The following CSMD1 variants were observed in gnomAD, a reference collection of about 807,000 sequenced individuals.
CSMD1 encodes the protein CUB and sushi domain-containing protein 1.
CSMD1 carries 213 observed loss-of-function variants against 417.5 expected under a neutral mutation model. The observed-to-expected ratio is 0.51, with a 90% CI of 0.46 to 0.57. CSMD1 has a LOEUF of 0.57. CSMD1 is among the 20% of genes least tolerant of loss of function. The pLI is 0.00. For missense variants in CSMD1, 6,923 were observed against 4,529.7 expected (o/e 1.53, Z -15.17); for synonymous variants, 2,862 against 1,736.8 (o/e 1.65, Z -16.11).
At chr8:4,983,313 T>A (rs1249908910) in intron 1 of CSMD1, among the ~76,000 whole-genome samples, 1 of 152,148 alleles carries the variant, frequency 6.6e-6, no homozygotes, top group East Asian at 1.9e-4. Flanking sequence ...TGATGACAAA[T>A]TAATTTGAAC....
chr8:4,979,173 T>A (rs951528334), intron 1 of CSMD1, among the ~76,000 whole-genome samples: 1 of 152,302 alleles, frequency 6.6e-6, no homozygotes, highest in South Asian at 2.1e-4. Context: ...CAAGTTCAAA[T>A]GATGAACTAG....
At chr8:4,874,029 C>CATCT (rs935165265) in intron 1 of CSMD1, among the ~76,000 whole-genome samples, 4 of 152,122 alleles carry the variant, frequency 2.6e-5, no homozygotes, top group African/African-American at 9.7e-5. Flanking sequence ...ATTAGTCTAT[C>CATCT]ATCTATCTAT....
chr8:4,202,154 G>C (rs710258), intron 3 of CSMD1, among the ~76,000 whole-genome samples: 2 of 151,822 alleles, frequency 1.3e-5, no homozygotes, highest in African/African-American at 4.8e-5. Flanking sequence ...TTTCTAGGAC[G>C]GGTGGGATGA....
In CSMD1 at chr8:3,793,399, C is replaced by A. The variant is rs561345274; in HGVS notation, c.819-39357G>T. On this transcript the variant is annotated intron_variant, in intron 5 of 69. Coordinates refer to ENST00000635120, the MANE Select transcript of CSMD1 (RefSeq NM_033225.6). ...GTTCAGAAACCAACCCATATTTTTC[C>A]TTGCCTACTTTCAAGAATGTTGCCA... Among the ~76,000 whole-genome samples the A allele has an allele frequency of 6.6e-5, 10 of 152,134 alleles. No homozygotes were observed. The South Asian group carries it at 2.1e-3, about 32-fold the overall frequency.
intron 67 of CSMD1, among the ~76,000 whole-genome samples, chr8:2,949,756 A>G (rs1448819714): frequency 1.3e-5 from 2 of 152,228 alleles, no homozygotes; most frequent in Non-Finnish European, 2.9e-5. Flanking sequence ...AGGGTACATC[A>G]TGTATGGCTG....
Position 3,282,952 on chromosome 8 carries a change from A to G in CSMD1, c.4153+1192T>C, listed in dbSNP as rs542350771. ...GATGGCTGACCTTGTGTGCTGCCCAATAATATGGCATCTCTCCACGGTGCC... is the reference window on the plus strand; with the variant it reads ...GATGGCTGACCTTGTGTGCTGCCCAGTAATATGGCATCTCTCCACGGTGCC... On this transcript the variant is annotated intron_variant, in intron 26 of 69. Coordinates refer to ENST00000635120, the MANE Select transcript of CSMD1 (RefSeq NM_033225.6). Among the ~76,000 whole-genome samples the G allele has an allele frequency of 3.1e-4, 47 of 152,278 alleles. 1 individual carries two copies. Among genetic ancestry groups the G allele is most frequent in the Admixed American group, 1.4e-3 (21 of 15,298 alleles).
Position 3,493,652 on chromosome 8 carries a change from C to A in CSMD1, c.1419G>T (p.Lys473Asn). Reference protein sequence around the residue: ...YDTLTVGDAGKVGDTRSVLYV... With the variant: ...YDTLTVGDAGNVGDTRSVLYV... The stretch of plus-strand genomic sequence containing the variant: ...ACAAGACCGATCTGGTGTCTCCCAC[C>A]TTCCCAGCATCACCAACCGTCAGGG... The change falls in exon 11 of 70, where the codon AAG becomes AAT. Residue 473 changes from lysine to asparagine, a missense_variant. Physicochemically the swap from Lys to Asn is moderately conservative, Grantham distance 94. Coordinates refer to ENST00000635120, the MANE Select transcript of CSMD1 (RefSeq NM_033225.6). The A allele has an allele frequency of 6.2e-7, 1 of 1,611,864 alleles. No individual in the cohort carries two copies. Among genetic ancestry groups the A allele is most frequent in the Non-Finnish European group, 8.5e-7 (1 of 1,179,128 alleles).
chr8:4,482,704 T>C (rs113072101), intron 2 of CSMD1, among the ~76,000 whole-genome samples: 13 of 152,152 alleles, frequency 8.5e-5, no homozygotes, highest in Non-Finnish European at 1.3e-4. Flanking sequence ...TAATTTACAC[T>C]CCCACCAACA....
In CSMD1 at chr8:3,276,178, G is replaced by T. The variant is rs184414997; in HGVS notation, c.4153+7966C>A. Among the ~76,000 whole-genome samples the T allele has an allele frequency of 9.9e-4, 150 of 152,208 alleles. 1 individual carries two copies. Among genetic ancestry groups the T allele is most frequent in the African/African-American group, 3.6e-3 (148 of 41,536 alleles). On this transcript the variant is annotated intron_variant, in intron 26 of 69. Coordinates refer to ENST00000635120, the MANE Select transcript of CSMD1 (RefSeq NM_033225.6). ...GACCTTCAGATGCAGGTCTGTTGGA[G>T]TACTCGGCCGTGTGAGGTGTCAGTC...
intron 4 of CSMD1, among the ~76,000 whole-genome samples, chr8:4,023,151 T>C (rs1284614890): frequency 6.6e-6 from 1 of 152,160 alleles, no homozygotes; most frequent in Non-Finnish European, 1.5e-5. Flanking sequence ...GAACTGCCCA[T>C]CACAACTCAA....
intron 10 of CSMD1, among the ~76,000 whole-genome samples, chr8:3,559,606 C>A (rs553023742): frequency 6.6e-5 from 10 of 152,226 alleles, no homozygotes; most frequent in African/African-American, 2.4e-4. Flanking sequence ...AATAAGTACC[C>A]ACAATTACAA....
chr8:3,641,604 G>C (rs1797311429), intron 7 of CSMD1, among the ~76,000 whole-genome samples: 1 of 152,174 alleles, frequency 6.6e-6, no homozygotes, highest in Admixed American at 6.5e-5. Flanking sequence ...TATGTCTCAA[G>C]AGGTTATCAC....
chr8:4,119,151 A>C (rs1334182667), intron 3 of CSMD1, among the ~76,000 whole-genome samples: 1 of 152,144 alleles, frequency 6.6e-6, no homozygotes, highest in East Asian at 1.9e-4. Flanking sequence ...GTCGGGCTTA[A>C]AACCTAGATG....
chr8:4,083,910 C>G (rs1303235816), intron 3 of CSMD1, among the ~76,000 whole-genome samples: 4 of 152,042 alleles, frequency 2.6e-5, no homozygotes, highest in African/African-American at 7.2e-5. Context: ...AGGCGACTTA[C>G]AAAATGAGAG....
chr8:4,195,335 G>T (rs1585000734), intron 3 of CSMD1, among the ~76,000 whole-genome samples: 1 of 152,088 alleles, frequency 6.6e-6, no homozygotes, highest in African/African-American at 2.4e-5. Context: ...TATAGAACAG[G>T]ATAAGTTAAC....
intron 7 of CSMD1, among the ~76,000 whole-genome samples, chr8:3,692,942 G>C (rs559103829): frequency 7.9e-5 from 12 of 152,250 alleles, no homozygotes; most frequent in African/African-American, 2.6e-4. Context: ...GTAAAAAAAA[G>C]TGATCCTGTT....
intron 5 of CSMD1, among the ~76,000 whole-genome samples, chr8:3,978,370 A>T (rs11987702): frequency 6.6e-6 from 1 of 151,884 alleles, no homozygotes; most frequent in South Asian, 2.1e-4. Flanking sequence ...TTTACATCTT[A>T]TTTATCAAAT....
intron 2 of CSMD1, among the ~76,000 whole-genome samples, chr8:4,579,960 C>G (rs1453163075): frequency 6.6e-6 from 1 of 152,134 alleles, no homozygotes; most frequent in Admixed American, 6.6e-5. Context: ...TTTACATTTC[C>G]AAATCCCTAC....
At chr8:4,935,020 T>C (rs1807513855) in intron 1 of CSMD1, among the ~76,000 whole-genome samples, 1 of 152,350 alleles carries the variant, frequency 6.6e-6, no homozygotes, top group Non-Finnish European at 1.5e-5. Flanking sequence ...CATATCTATC[T>C]AGAACTTAAG....
Sources: gnomAD v4.1 joint callset for allele counts (sites outside exome capture counted in the v4.1 genomes callset) on GRCh38, gnomAD v4.1.1 for gene constraint, MANE v1.5 for transcripts, NCBI Gene and HGNC (gene_info 2026-07-23, HGNC 2026-07-21) for gene names.